The following CPT1B variants were observed in gnomAD, a reference collection of about 807,000 sequenced individuals.
CPT1B encodes the protein carnitine palmitoyltransferase 1B.
In CPT1B, 57 loss-of-function variants were observed where a neutral mutation model predicts 92.7. That is an observed-to-expected ratio of 0.62 (90% CI 0.50 to 0.77). The LOEUF (loss-of-function observed/expected upper bound fraction) is 0.77. Among genes scored for constraint, CPT1B ranks in the 30% least tolerant of loss-of-function variants. CPT1B has a pLI of 0.00. For synonymous variants in CPT1B, 398 were observed against 383.5 expected (o/e 1.04, Z -0.44); for missense variants, 983 against 1,017.4 (o/e 0.97, Z 0.46).
At position 50,571,284 on chromosome 22, in the gene CPT1B, AC is replaced by A. The variant is rs1225954139; in HGVS notation, c.1748del (p.Gly583ValfsTer5). 2 of 1,613,638 alleles carry A rather than the reference AC, an allele frequency of 1.2e-6. No individual in the cohort carries two copies. The highest frequency in any genetic ancestry group is 2.2e-5 in the East Asian group (1 of 44,890). ...ALQLAHFRDRGKFCLTYEASM... is the reference protein window; with the variant it reads ...ALQLAHFRDRXKFCLTYEASM... ...AGGCCTCATAGGTCAGGCAGAACTT[AC>A]CCCTGTCCTGGGATATACAGAGGGG... On this transcript the variant is annotated frameshift_variant, in exon 15 of 20. Transcript: ENST00000312108. LOFTEE classifies it high-confidence loss of function.
At chr22:50,569,811 C>T in intron 17 of CPT1B, 143 bp from the exon 18 acceptor site, 1 of 702,324 alleles carries the variant, frequency 1.4e-6, no homozygotes, top group Non-Finnish European at 2.5e-6. Flanking sequence ...GAGGACCACC[C>T]CCAGGAAACT....
chr22:50,575,970 ATCCCTT>A, intron 7 of CPT1B, 59 bp downstream of exon 7: 1 of 1,499,184 alleles, frequency 6.7e-7, no homozygotes, highest in Non-Finnish European at 9.3e-7. Context: ...TGTCCTCCAG[ATCCCTT>A]GCCTTGGAGC....
At position 50,573,962 on chromosome 22, in the gene CPT1B, G is replaced by A. The variant is rs781604664; in HGVS notation, c.971-247C>T. The A allele has an allele frequency of 5.7e-6, 4 of 705,538 alleles. No homozygotes were observed. Among genetic ancestry groups the A allele is most frequent in the South Asian group, 3.0e-5 (2 of 66,664 alleles). The allele number at this position is 705,538 out of a possible 1,614,324, so 43.7% of individuals were successfully genotyped here. A position where few individuals can be genotyped will look rare whatever the true frequency, so the allele number is the denominator to read the frequency against. On this transcript the variant is annotated intron_variant, in intron 9 of 19. Coordinates refer to ENST00000312108, the MANE Select transcript of CPT1B (RefSeq NM_152246.3). The surrounding 1 kb of genome is among the most constrained non-coding windows in gnomAD (Gnocchi z 5.0). ...CAGAAGAGGAAACGACGCACTAGAG[G>A]GTTGTGCAAACCGCCTAAGGATACA...
chr22:50,574,571 C>T lies in CPT1B; in HGVS notation c.807G>A (p.Val269=), dbSNP rs2070346144. The change falls in exon 8 of 20, where the codon GTG becomes GTA. Residue 269 remains valine, a synonymous_variant. Coordinates refer to ENST00000312108, the MANE Select transcript of CPT1B (RefSeq NM_152246.3). ...MDLVLIKNTD[V]QAARLGNIIH... ...TGATGTTTCCCAGGCGGGCTGCCTG[C>T]ACGTCTGTATTCTTGATGAGCACAA... 2 of 1,614,124 alleles carry T rather than the reference C, an allele frequency of 1.2e-6. No individual in the cohort carries two copies. Among genetic ancestry groups the T allele is most frequent in the Non-Finnish European group, 1.7e-6 (2 of 1,180,014 alleles).
At position 50,573,243 on chromosome 22, in the gene CPT1B, A is replaced by G; in HGVS notation, c.1167-183T>C. 2.8e-6 allele frequency: 1 copy of G among 357,848 alleles called. No homozygotes were observed. Among genetic ancestry groups the G allele is most frequent in the South Asian group, 5.1e-5 (1 of 19,508 alleles). 22.2% of individuals were successfully genotyped at this position (357,848 alleles called of 1,614,324 possible). ...GCCTGGAGGTGTTGGGGTGCGTGCC[A>G]GGCTGCGCCTGGAGGTGGGGGTGTG... On this transcript the variant is annotated intron_variant, in intron 10 of 19. Transcript: ENST00000312108. The surrounding 1 kb of genome is among the most constrained non-coding windows in gnomAD (Gnocchi z 5.0).
At position 50,573,146 on chromosome 22, in the gene CPT1B, G is replaced by T. The variant is rs886815060; in HGVS notation, c.1167-86C>A. ...GGCCTGGCTGGACCTGGAGATGGGG[G>T]TGGGGTGCCAGGCTGGACCTGGAGA... On this transcript the variant is annotated intron_variant, in intron 10 of 19. Transcript: ENST00000312108. This position sits in a 1 kb window ranked among gnomAD's most constrained non-coding sequence, Gnocchi z 5.0. 1.6e-6 allele frequency: 2 copies of T among 1,218,900 alleles called. No individual in the cohort carries two copies. The highest frequency in any genetic ancestry group is 2.3e-6 in the Non-Finnish European group (2 of 870,044). 75.5% of individuals were successfully genotyped at this position (1,218,900 alleles called of 1,614,324 possible). A position where few individuals can be genotyped will look rare whatever the true frequency, so the allele number is the denominator to read the frequency against.
Position 50,574,462 on chromosome 22 carries a change from C to T in CPT1B, c.885+31G>A, listed in dbSNP as rs758591559. 6.2e-6 allele frequency: 10 copies of T among 1,613,786 alleles called. No individual in the cohort carries two copies. The East Asian group carries it at 2.2e-4, about 36-fold the overall frequency. ...ATGGCTCAGACTCAGGTCTCCCCTC[C>T]CATCCCACCTTCAACCCTGACGCAA... On this transcript the variant is annotated intron_variant, in intron 8 of 19. Coordinates refer to ENST00000312108, the MANE Select transcript of CPT1B (RefSeq NM_152246.3).
chr22:50,577,193 C>A, intron 3 of CPT1B, 131 bp downstream of exon 3: 1 of 1,398,840 alleles, frequency 7.1e-7, no homozygotes, highest in Non-Finnish European at 9.8e-7. Flanking sequence ...CAATGGTTGT[C>A]ATAGGGGAGG....
chr22:50,570,235 G>T, intron 17 of CPT1B, 58 bp downstream of exon 17: 1 of 1,308,870 alleles, frequency 7.6e-7, no homozygotes, highest in Non-Finnish European at 1.0e-6. Flanking sequence ...GCCTGCACTC[G>T]CCACTGAAAC....
chr22:50,571,149 G>A lies in CPT1B; in HGVS notation c.1875+9C>T, dbSNP rs1463319216. 1.9e-6 allele frequency: 3 copies of A among 1,614,044 alleles called. No homozygotes were observed. The highest frequency in any genetic ancestry group is 2.5e-6 in the Non-Finnish European group (3 of 1,179,966). On this transcript the variant is annotated intron_variant, in intron 15 of 19. Transcript: ENST00000312108. ...GACTGTGACCCCCACATGGGCAGAGGACACTTACTGTGTGGGACCCCTCCA... is the reference window on the plus strand; with the variant it reads ...GACTGTGACCCCCACATGGGCAGAGAACACTTACTGTGTGGGACCCCTCCA...
chr22:50,573,128 C>T lies in CPT1B; in HGVS notation c.1167-68G>A, dbSNP rs2070261666. 3.6e-6 allele frequency: 5 copies of T among 1,391,998 alleles called. No individual in the cohort carries two copies. In the Admixed American group the frequency reaches 1.0e-4, roughly 28 times the overall value. 86.2% of individuals were successfully genotyped at this position (1,391,998 alleles called of 1,614,324 possible). Reference sequence around the variant, plus strand: ...GATGAGGGTGCCTCTGAGGGCCTGGCTGGACCTGGAGATGGGGGTGGGGTG... The same window carrying T: ...GATGAGGGTGCCTCTGAGGGCCTGGTTGGACCTGGAGATGGGGGTGGGGTG... On this transcript the variant is annotated intron_variant, in intron 10 of 19. Transcript: ENST00000312108. This position sits in a 1 kb window ranked among gnomAD's most constrained non-coding sequence, Gnocchi z 5.0.
intron 17 of CPT1B, among the ~76,000 whole-genome samples, chr22:50,569,875 G>A (rs893167353): frequency 1.3e-5 from 2 of 152,158 alleles, no homozygotes; most frequent in African/African-American, 4.8e-5. Context: ...GGACCTCCCA[G>A]TTTCCCTCAG....
intron 16 of CPT1B, 79 bp downstream of exon 16, chr22:50,570,812 G>T: frequency 1.3e-6 from 2 of 1,544,926 alleles, no homozygotes; most frequent in Non-Finnish European, 1.8e-6. Flanking sequence ...AAAACAGGCC[G>T]TGCTCCATCA....
At chr22:50,572,343 T>C (rs2070218869) in intron 11 of CPT1B, 35 bp from the exon 12 acceptor site, 2 of 1,477,680 alleles carry the variant, frequency 1.4e-6, no homozygotes, top group East Asian at 4.5e-5. Flanking sequence ...GAACCAAAGC[T>C]GGGAATGTCC....
At chr22:50,577,187 G>T (rs1359576385) in intron 3 of CPT1B, 137 bp downstream of exon 3, 2 of 1,368,910 alleles carry the variant, frequency 1.5e-6, no homozygotes, top group Non-Finnish European at 2.0e-6. Context: ...CTAAGACAAT[G>T]GTTGTCATAG....
chr22:50,571,545 A>G lies in CPT1B; in HGVS notation c.1576-6T>C, dbSNP rs1195657076. 7.5e-6 allele frequency: 12 copies of G among 1,610,460 alleles called. No homozygotes were observed. The highest frequency in any genetic ancestry group is 1.0e-5 in the Non-Finnish European group (12 of 1,179,868). The stretch of plus-strand genomic sequence containing the variant: ...CTCTCGATGACCGCCTGGCACTGCC[A>G]AGACATGGGAAGGGTCAGCTGAGGG... On this transcript the variant is annotated splice_polypyrimidine_tract_variant and splice_region_variant and intron_variant, in intron 13 of 19. Coordinates refer to ENST00000312108, the MANE Select transcript of CPT1B (RefSeq NM_152246.3).
In CPT1B at chr22:50,576,847, T is replaced by C. The variant is rs755466944; in HGVS notation, c.459+10A>G. The C allele has an allele frequency of 1.9e-6, 3 of 1,613,790 alleles. No homozygotes were observed. In the South Asian group the frequency reaches 3.3e-5, roughly 18 times the overall value. ...CAGGTGCCTGAACCCCTCCACTGGCTGCTGCTCACAGCCCAGATCCTGGTC... is the reference window on the plus strand; with the variant it reads ...CAGGTGCCTGAACCCCTCCACTGGCCGCTGCTCACAGCCCAGATCCTGGTC... On this transcript the variant is annotated intron_variant, in intron 4 of 19. Coordinates refer to ENST00000312108, the MANE Select transcript of CPT1B (RefSeq NM_152246.3).
In CPT1B at chr22:50,570,389, C is replaced by T; in HGVS notation, c.2046G>A (p.Trp682Ter). 6.2e-7 allele frequency: 1 copy of T among 1,601,812 alleles called. No homozygotes were observed. Among genetic ancestry groups the T allele is most frequent in the Non-Finnish European group, 8.5e-7 (1 of 1,172,714 alleles). Residue 682 changes from tryptophan (W) to a stop codon, truncating the protein, a stop_gained, in exon 17 of 20, where the codon TGG (tryptophan) becomes TGA (stop). Coordinates refer to ENST00000312108, the MANE Select transcript of CPT1B (RefSeq NM_152246.3). LOFTEE classifies it high-confidence loss of function. ...GGGGGATCTGGCTGGTGGAGAGACG[C>T]CAGGGTTCCGAGAGCACCTGCAATG... ...PFLAEVLSEP[W>*]RLSTSQIPQS...
intron 3 of CPT1B, 122 bp from the exon 4 acceptor site, chr22:50,577,156 A>C (rs898738550): frequency 2.9e-6 from 4 of 1,383,018 alleles, no homozygotes; most frequent in Middle Eastern, 2.3e-4. Context: ...GTCTGACTGC[A>C]TCAAATGAGC....
Sources: gnomAD v4.1 joint callset for allele counts (sites outside exome capture counted in the v4.1 genomes callset) on GRCh38, gnomAD v4.1.1 for gene constraint, Gnocchi (gnomAD v3.1) non-coding constraint, MANE v1.5 for transcripts, NCBI Gene and HGNC (gene_info 2026-07-23, HGNC 2026-07-21) for gene names.